Variants in PDE6C observed in about 807,000 individuals in gnomAD.
The protein encoded by PDE6C is phosphodiesterase 6C.
A neutral mutation model predicts 113.1 loss-of-function variants in PDE6C; 75 were observed. The ratio of observed to expected loss-of-function variants is 0.66; its 90% confidence interval spans 0.55 to 0.80. The LOEUF (loss-of-function observed/expected upper bound fraction) is 0.80, where lower values mean the gene tolerates loss of function less well. Ranked by LOEUF, PDE6C falls within the 30% of genes least tolerant of loss-of-function variation. The probability of loss-of-function intolerance (pLI) is 0.00; values close to 1 mark genes in which losing one functional copy is unlikely to be tolerated. For synonymous variants in PDE6C, 375 were observed against 363.7 expected (o/e 1.03, Z -0.35); for missense variants, 912 against 1,038.6 (o/e 0.88, Z 1.67).
intron 14 of PDE6C, among the ~76,000 whole-genome samples, chr10:93,644,284 A>T (rs1453393207): frequency 6.6e-6 from 1 of 152,224 alleles, no homozygotes; most frequent in African/African-American, 2.4e-5. Context: ...TAATACGTGA[A>T]ACGTTAGTTT....
chr10:93,662,962 G>A (rs1033140615), intron 20 of PDE6C, 66 bp from the exon 21 acceptor site: 57 of 1,362,178 alleles, frequency 4.2e-5, no homozygotes, highest in Non-Finnish European at 5.4e-5. Context: ...CTCACTCTCT[G>A]CATATGAAAG....
chr10:93,657,389 G>A (rs551201477), intron 16 of PDE6C, among the ~76,000 whole-genome samples: 5 of 118,594 alleles, frequency 4.2e-5, no homozygotes, highest in South Asian at 5.6e-4. Context: ...TCACCATGTT[G>A]GCCAGGATGG....
chr10:93,631,024 G>A (rs1352181373), intron 8 of PDE6C, among the ~76,000 whole-genome samples: 9 of 152,192 alleles, frequency 5.9e-5, no homozygotes, highest in Non-Finnish European at 1.3e-4. Context: ...GTCTAAACAG[G>A]GAGTGGGAAT....
chr10:93,628,848 T>A (rs2058486636), intron 7 of PDE6C, among the ~76,000 whole-genome samples: 1 of 152,220 alleles, frequency 6.6e-6, no homozygotes, highest in African/African-American at 2.4e-5. Flanking sequence ...CTCTTAACCA[T>A]CATCTTCTAA....
In PDE6C at chr10:93,626,837, G is replaced by A. The variant is rs776725979; in HGVS notation, c.1037G>A (p.Ser346Asn). 3.7e-6 allele frequency: 6 copies of A among 1,613,900 alleles called. No homozygotes were observed. The change falls in exon 7 of 22, where the codon AGT (serine) becomes AAT (asparagine). Residue 346 changes from serine (S) to asparagine (N), a missense_variant. Physicochemically the swap from Ser to Asn is conservative, Grantham distance 46. Coordinates refer to ENST00000371447, the MANE Select transcript of PDE6C (RefSeq NM_006204.4). ...TPPADHWTLI[S>N]GLPTYVAENG... ...CCTGCAGACCACTGGACACTCATTA[G>A]TGGGTTGCCAACATATGTTGCTGAA...
intron 15 of PDE6C, among the ~76,000 whole-genome samples, chr10:93,647,189 A>G (rs1455565473): frequency 8.5e-5 from 13 of 152,184 alleles, no homozygotes; most frequent in Non-Finnish European, 1.6e-4. Flanking sequence ...AAAAATGATT[A>G]AGGTGAGTCA....
Position 93,642,770 on chromosome 10 carries a change from GGC to G in PDE6C, c.1847+1742_1847+1743del, listed in dbSNP as rs2058566174. ...AACCTACTTGAGAAAGTGCCTGCTAGGCAGGTTTCACATATATAATTTCATTG... is the reference window on the plus strand; with the variant it reads ...AACCTACTTGAGAAAGTGCCTGCTAGAGGTTTCACATATATAATTTCATTG... On this transcript the variant is annotated intron_variant, in intron 14 of 21. Coordinates refer to ENST00000371447, the MANE Select transcript of PDE6C (RefSeq NM_006204.4). Among the ~76,000 whole-genome samples the G allele has an allele frequency of 2.0e-5, 3 of 152,314 alleles. No homozygotes were observed. In the South Asian group the frequency reaches 6.2e-4, roughly 32 times the overall value.
chr10:93,614,953 A>AT (rs983083277), intron 1 of PDE6C, among the ~76,000 whole-genome samples: 1 of 152,004 alleles, frequency 6.6e-6, no homozygotes, highest in African/African-American at 2.4e-5. Context: ...GCTTCTTCAC[A>AT]TTTTTTTCTC....
At chr10:93,643,596 G>C (rs1247680447) in intron 14 of PDE6C, among the ~76,000 whole-genome samples, 5 of 151,794 alleles carry the variant, frequency 3.3e-5, no homozygotes, top group Non-Finnish European at 1.5e-5. Flanking sequence ...TCCCTATGTT[G>C]CCCAGGCTGG....
rs73329321 is a variant in PDE6C at position 93,642,963 on chromosome 10, C to T, written c.1847+1934C>T. ...GCTCGCTCCTCCAGAATGCAAGTCC[C>T]CTGACAGTCACTGAAGTCCTCGTCC... On this transcript the variant is annotated intron_variant, in intron 14 of 21. Coordinates refer to ENST00000371447, the MANE Select transcript of PDE6C (RefSeq NM_006204.4). Among the ~76,000 whole-genome samples, 1,197 of 152,236 alleles carry T rather than the reference C, an allele frequency of 7.9e-3. 17 individuals are homozygous for T. The highest frequency in any genetic ancestry group is 0.027 in the African/African-American group (1,121 of 41,542).
intron 11 of PDE6C, among the ~76,000 whole-genome samples, chr10:93,638,399 C>T (rs1303954405): frequency 6.6e-6 from 1 of 152,126 alleles, no homozygotes; most frequent in Non-Finnish European, 1.5e-5. Context: ...TTGCTTGGCT[C>T]CACCTTTGGC....
chr10:93,633,932 T>C (rs995720885), intron 8 of PDE6C, among the ~76,000 whole-genome samples: 3 of 152,204 alleles, frequency 2.0e-5, no homozygotes, highest in African/African-American at 4.8e-5. Flanking sequence ...GTTCACTCTA[T>C]TGGATGTGCT....
In PDE6C at chr10:93,662,568, G is replaced by A. The variant is rs1187679872; in HGVS notation, c.2292G>A (p.Met764Ile). 1 of 1,472,680 alleles carries A rather than the reference G, an allele frequency of 6.8e-7. No homozygotes were observed. Among genetic ancestry groups the A allele is most frequent in the South Asian group, 1.1e-5 (1 of 88,186 alleles). 91.2% of individuals were successfully genotyped at this position (1,472,680 alleles called of 1,614,324 possible). Residue 764 changes from methionine (M) to isoleucine (I), a missense_variant, in exon 20 of 22, where the codon ATG becomes ATA. Met to Ile is a conservative substitution (Grantham distance 10, BLOSUM62 1). Transcript: ENST00000371447. Reference sequence around the variant, plus strand: ...TTTATTTCTCTTTCTAGCCTATGATGGACAGAAACAAAAGAGATGAATTAC... The same window carrying A: ...TTTATTTCTCTTTCTAGCCTATGATAGACAGAAACAAAAGAGATGAATTAC... ...TVLQQQPIPM[M>I]DRNKRDELPK...
intron 10 of PDE6C, among the ~76,000 whole-genome samples, chr10:93,636,366 CTTTGTGTGTGTGTG>C (rs1373189466): frequency 2.2e-5 from 2 of 90,610 alleles, no homozygotes; most frequent in African/African-American, 5.1e-5. Flanking sequence ...ATTTCCCTGG[CTTTGTGTGTGTGTG>C]TGTGTGTGTG....
chr10:93,624,898 G>A (rs2058466416), intron 4 of PDE6C, among the ~76,000 whole-genome samples: 1 of 152,176 alleles, frequency 6.6e-6, no homozygotes, highest in Non-Finnish European at 1.5e-5. Context: ...AAAGATGGCT[G>A]TTGCAGCTCA....
chr10:93,647,469 A>G (rs1325235799), intron 15 of PDE6C, among the ~76,000 whole-genome samples: 1 of 152,208 alleles, frequency 6.6e-6, no homozygotes, highest in Non-Finnish European at 1.5e-5. Flanking sequence ...ATGGAAAAAG[A>G]AGAAAACTGC....
In PDE6C at chr10:93,659,163, G is replaced by A. The variant is rs2058654990; in HGVS notation, c.2204G>A (p.Ser735Asn). 1.9e-6 allele frequency: 3 copies of A among 1,605,416 alleles called. No homozygotes were observed. The highest frequency in any genetic ancestry group is 2.7e-5 in the African/African-American group (2 of 74,804). Reference protein sequence around the residue: ...SAITKPWEVQSQVALMVANEF... With the variant: ...SAITKPWEVQNQVALMVANEF... ...ATTACCAAGCCCTGGGAGGTGCAAA[G>A]TCAGGTGAGTCCAGTTAAGTTTTCT... Residue 735 changes from serine to asparagine, a missense_variant, in exon 18 of 22, where the codon AGT becomes AAT. Transcript: ENST00000371447.
chr10:93,655,628 A>AG (rs397944075), intron 15 of PDE6C, 132 bp from the exon 16 acceptor site: 1 of 544,774 alleles, frequency 1.8e-6, no homozygotes, highest in Non-Finnish European at 3.4e-6. Flanking sequence ...AAAAAAAAAA[A>AG]GGAAGGAAAA....
intron 12 of PDE6C, 108 bp from the exon 13 acceptor site, chr10:93,640,342 C>A: frequency 1.6e-6 from 2 of 1,245,906 alleles, no homozygotes; most frequent in Non-Finnish European, 2.4e-6. Context: ...AATACATCAG[C>A]TTAACCCCTA....
Sources: gnomAD v4.1 joint callset for allele counts (sites outside exome capture counted in the v4.1 genomes callset) on GRCh38, gnomAD v4.1.1 for gene constraint, MANE v1.5 for transcripts, NCBI Gene and HGNC (gene_info 2026-07-23, HGNC 2026-07-21) for gene names.